The following GPC5 variants were observed in gnomAD, a reference collection of about 807,000 sequenced individuals.
GPC5 encodes the protein glypican-5.
A neutral mutation model predicts 53.9 loss-of-function variants in GPC5; 47 were observed. The ratio of observed to expected loss-of-function variants is 0.87; its 90% CI spans 0.69 to 1.11. GPC5 has a LOEUF of 1.11. Ranked by LOEUF, GPC5 falls within the 50% of genes most tolerant of loss-of-function variation. The probability of loss-of-function intolerance (pLI) is 0.00; values close to 1 mark genes in which losing one functional copy is unlikely to be tolerated. For missense variants in GPC5, 748 were observed against 713.1 expected (o/e 1.05, Z -0.56); for synonymous variants, 286 against 263.3 (o/e 1.09, Z -0.84).
chr13:91,551,514 T>C (rs370435145), intron 2 of GPC5, among the ~76,000 whole-genome samples: 1 of 152,070 alleles, frequency 6.6e-6, no homozygotes, highest in African/African-American at 2.4e-5. Flanking sequence ...ATACTTGGAA[T>C]AGCGAATTCC....
intron 7 of GPC5, among the ~76,000 whole-genome samples, chr13:92,171,097 C>T (rs988612111): frequency 1.3e-5 from 2 of 152,076 alleles, no homozygotes; most frequent in Admixed American, 1.3e-4. Context: ...TGGAAATTTC[C>T]TCAACTTTGT....
chr13:92,821,328 T>A (rs1451381513), intron 7 of GPC5, among the ~76,000 whole-genome samples: 15 of 152,206 alleles, frequency 9.9e-5, no homozygotes, highest in Admixed American at 9.8e-4. Flanking sequence ...TTTCACAATT[T>A]GTGTAATTAG....
chr13:92,387,520 G>C (rs908561590), intron 7 of GPC5, among the ~76,000 whole-genome samples: 4 of 152,040 alleles, frequency 2.6e-5, no homozygotes, highest in Non-Finnish European at 5.9e-5. Context: ...GCCTCACAGA[G>C]TAGTTGCTTT....
intron 2 of GPC5, among the ~76,000 whole-genome samples, chr13:91,511,988 T>C: frequency 6.6e-6 from 1 of 152,164 alleles, no homozygotes; most frequent in East Asian, 1.9e-4. Flanking sequence ...ATATCCCTTC[T>C]CCAGTTAAGC....
chr13:92,339,495 C>T (rs531815721), intron 7 of GPC5, among the ~76,000 whole-genome samples: 4 of 152,076 alleles, frequency 2.6e-5, no homozygotes, highest in East Asian at 1.9e-4. Flanking sequence ...TGCTTTATAA[C>T]GTTAACTACA....
chr13:92,301,015 G>T (rs1473951544), intron 7 of GPC5, among the ~76,000 whole-genome samples: 1 of 152,170 alleles, frequency 6.6e-6, no homozygotes, highest in Non-Finnish European at 1.5e-5. Flanking sequence ...CAGAAAGTTT[G>T]CTGTTCTCCT....
chr13:91,652,284 T>C (rs1451494268), intron 2 of GPC5, among the ~76,000 whole-genome samples: 3 of 152,162 alleles, frequency 2.0e-5, no homozygotes, highest in Admixed American at 2.0e-4. Context: ...CTGGCACTTT[T>C]TTTTCTTATT....
intron 7 of GPC5, among the ~76,000 whole-genome samples, chr13:92,255,461 C>T (rs948564515): frequency 1.3e-5 from 2 of 152,002 alleles, no homozygotes; most frequent in Admixed American, 6.6e-5. Context: ...AACTTTGTCT[C>T]TTCCAAATTT....
chr13:92,115,683 T>C (rs1202697947), intron 6 of GPC5, among the ~76,000 whole-genome samples: 1 of 152,162 alleles, frequency 6.6e-6, no homozygotes, highest in Non-Finnish European at 1.5e-5. Context: ...TCTCATGGTA[T>C]TTCAGGTAGA....
At position 92,866,669 on chromosome 13, in the gene GPC5, A is replaced by C. The variant is rs1414786542; in HGVS notation, c.*230A>C. 5 of 314,806 alleles carry C rather than the reference A, an allele frequency of 1.6e-5. No homozygotes were observed. The highest frequency in any genetic ancestry group is 1.2e-4 in the South Asian group (1 of 8,588). 19.5% of individuals were successfully genotyped at this position (314,806 alleles called of 1,614,324 possible). ...TTTCAATCTAACTGAAAACCTTCTT[A>C]ACTTCTAATATATTAAATCTGAAGA... On this transcript the variant is annotated 3_prime_UTR_variant, in exon 8 of 8. Coordinates refer to ENST00000377067, the MANE Select transcript of GPC5 (RefSeq NM_004466.6).
At chr13:91,811,312 A>T (rs1322503695) in intron 5 of GPC5, among the ~76,000 whole-genome samples, 1 of 152,122 alleles carries the variant, frequency 6.6e-6, no homozygotes, top group Non-Finnish European at 1.5e-5. Context: ...GTTTTCTAAC[A>T]GGGAAGACAG....
intron 7 of GPC5, among the ~76,000 whole-genome samples, chr13:92,712,477 G>A (rs1888173962): frequency 6.6e-6 from 1 of 150,644 alleles, no homozygotes; most frequent in Non-Finnish European, 1.5e-5. Flanking sequence ...AAAAAAAACG[G>A]CAAAATCATA....
chr13:91,762,461 G>A (rs342708), intron 5 of GPC5, among the ~76,000 whole-genome samples: 48,261 of 151,756 alleles, frequency 0.32, 9,010 homozygotes, highest in African/African-American at 0.51. Flanking sequence ...TTTTAAAAAC[G>A]ATCAGGTCTC....
chr13:92,614,103 A>C (rs998006013), intron 7 of GPC5, among the ~76,000 whole-genome samples: 12 of 152,254 alleles, frequency 7.9e-5, no homozygotes, highest in African/African-American at 2.9e-4. Context: ...TAGCAAAAGA[A>C]TGAATCTCCA....
chr13:92,569,327 A>C (rs1882954463), intron 7 of GPC5, among the ~76,000 whole-genome samples: 3 of 152,024 alleles, frequency 2.0e-5, no homozygotes. Context: ...CAAAGGAGGA[A>C]ATTTAGGCTT....
intron 7 of GPC5, among the ~76,000 whole-genome samples, chr13:92,323,362 A>G (rs957749396): frequency 2.1e-4 from 24 of 113,518 alleles, no homozygotes; most frequent in Non-Finnish European, 3.7e-4. Flanking sequence ...TAACAGATAC[A>G]TATATATATA....
chr13:92,039,307 A>G (rs185589793), intron 6 of GPC5, among the ~76,000 whole-genome samples: 7 of 152,340 alleles, frequency 4.6e-5, no homozygotes, highest in Admixed American at 3.9e-4. Flanking sequence ...TTGTGTGCCA[A>G]TGGAAATTAT....
chr13:91,592,529 C>T (rs2032839592), intron 2 of GPC5, among the ~76,000 whole-genome samples: 1 of 152,154 alleles, frequency 6.6e-6, no homozygotes, highest in South Asian at 2.1e-4. Context: ...GCATGCCCCA[C>T]TCACACTACA....
chr13:91,683,218 C>T (rs898291201), intron 2 of GPC5, among the ~76,000 whole-genome samples: 2 of 151,884 alleles, frequency 1.3e-5, no homozygotes, highest in Admixed American at 6.6e-5. Flanking sequence ...TGGATATAAG[C>T]CAAGGAGTGC....
Sources: allele counts gnomAD v4.1 joint callset (sites outside exome capture counted in the v4.1 genomes callset), GRCh38; gene constraint gnomAD v4.1.1; transcripts MANE v1.5; gene names NCBI Gene and HGNC (gene_info 2026-07-23, HGNC 2026-07-21).